FAM171A1: variants seen among roughly 807,000 people sequenced by gnomAD.
The protein encoded by FAM171A1 is family with sequence similarity 171 member A1.
A neutral mutation model predicts 74.9 loss-of-function variants in FAM171A1; 23 were observed. The ratio of observed to expected loss-of-function variants is 0.31; its 90% CI spans 0.22 to 0.44. The LOEUF is 0.44. Ranked by LOEUF, FAM171A1 falls within the 20% of genes least tolerant of loss-of-function variation. FAM171A1 has a pLI of 1.00. For missense variants in FAM171A1, 1,162 were observed against 1,159.2 expected (o/e 1.00, Z -0.03); for synonymous variants, 527 against 505.7 (o/e 1.04, Z -0.57).
intron 6 of FAM171A1, among the ~76,000 whole-genome samples, 196 bp downstream of exon 6, chr10:15,220,748 G>C (rs979324283): frequency 6.6e-6 from 1 of 152,182 alleles, no homozygotes; most frequent in African/African-American, 2.4e-5. Flanking sequence ...TCTTACCCTA[G>C]ATGGAAGATT....
intron 1 of FAM171A1, among the ~76,000 whole-genome samples, chr10:15,296,680 C>T (rs944760364): frequency 1.3e-5 from 2 of 151,926 alleles, no homozygotes; most frequent in African/African-American, 2.4e-5. Context: ...CCAAGAGGTG[C>T]CCTGAACCTC....
At chr10:15,229,528 T>G (rs116995904) in intron 5 of FAM171A1, among the ~76,000 whole-genome samples, 1 of 47,696 alleles carries the variant, frequency 2.1e-5, no homozygotes, top group Admixed American at 1.9e-4. Context: ...GTCACCCCCC[T>G]CACCATCATC....
chr10:15,213,474 G>A lies in FAM171A1; in HGVS notation c.2114C>T (p.Pro705Leu). ...ELGGGKPLPH[P>L]RAWFVSLDGR... ...ATCCAAGGAGACGAACCACGCCCGG[G>A]GGTGCGGAAGCGGCTTCCCACCCCC... Residue 705 changes from proline to leucine, a missense_variant, in exon 8 of 8, where the codon CCC becomes CTC. Transcript: ENST00000378116. The surrounding 1 kb of genome is among the most constrained non-coding windows in gnomAD (Gnocchi z 6.8). 6.2e-7 allele frequency: 1 copy of A among 1,614,182 alleles called. No individual in the cohort carries two copies. The highest frequency in any genetic ancestry group is 2.2e-5 in the East Asian group (1 of 44,866).
intron 1 of FAM171A1, among the ~76,000 whole-genome samples, chr10:15,342,917 G>A (rs1242848839): frequency 2.0e-5 from 3 of 152,204 alleles, no homozygotes; most frequent in Non-Finnish European, 2.9e-5. Context: ...CATGGCCCAG[G>A]GTGAAACCTG....
At chr10:15,287,480 C>T (rs1407673177) in intron 1 of FAM171A1, among the ~76,000 whole-genome samples, 1 of 151,684 alleles carries the variant, frequency 6.6e-6, no homozygotes, top group South Asian at 2.1e-4. Flanking sequence ...CTTTGCCTCC[C>T]AGGTTCAAGC....
intron 5 of FAM171A1, among the ~76,000 whole-genome samples, chr10:15,235,301 CAAAAAAAAAAAAAAA>C (rs1193195866): frequency 4.5e-5 from 2 of 44,550 alleles, no homozygotes; most frequent in African/African-American, 1.5e-4. Flanking sequence ...GACTCTGTCT[CAAAAAAAAAAAAAAA>C]AAAAAAAAAA....
intron 1 of FAM171A1, among the ~76,000 whole-genome samples, chr10:15,370,241 T>TTC (rs1836120916): frequency 3.1e-5 from 1 of 32,100 alleles, no homozygotes; most frequent in African/African-American, 7.2e-5. Flanking sequence ...AGGATTTTTC[T>TTC]TTTTTTTTTT....
intron 1 of FAM171A1, among the ~76,000 whole-genome samples, chr10:15,352,680 A>T (rs115452753): frequency 1.3e-5 from 2 of 152,236 alleles, no homozygotes; most frequent in African/African-American, 4.8e-5. Flanking sequence ...GTACACAACG[A>T]AAGTCTTTTG....
chr10:15,248,056 C>T (rs1371347971), intron 5 of FAM171A1, among the ~76,000 whole-genome samples: 1 of 152,172 alleles, frequency 6.6e-6, no homozygotes, highest in Non-Finnish European at 1.5e-5. Flanking sequence ...TCCTGACCCC[C>T]AGAAACTCTG....
chr10:15,240,046 G>A (rs996953541), intron 5 of FAM171A1, among the ~76,000 whole-genome samples: 1 of 152,196 alleles, frequency 6.6e-6, no homozygotes, highest in African/African-American at 2.4e-5. Flanking sequence ...ACTTATATAT[G>A]CAAGTCGTGC....
At chr10:15,281,085 C>T (rs367737523) in intron 2 of FAM171A1, among the ~76,000 whole-genome samples, 111 of 152,272 alleles carry the variant, frequency 7.3e-4, no homozygotes, top group African/African-American at 2.2e-3. Context: ...TGAGTTCTCA[C>T]GAGACCTGGT....
In FAM171A1 at chr10:15,325,171, T is replaced by C. The variant is rs887165088; in HGVS notation, c.98-41066A>G. 3.9e-5 allele frequency among the ~76,000 whole-genome samples: 6 copies of C among 152,320 alleles called. 1 individual carries two copies. The highest frequency in any genetic ancestry group is 3.4e-3 in the Middle Eastern group (1 of 294). On this transcript the variant is annotated intron_variant, in intron 1 of 7. Coordinates refer to ENST00000378116, the MANE Select transcript of FAM171A1 (RefSeq NM_001010924.2). ...AAAACACTCTACAATTTCCAGCTGT[T>C]CCAGCTGTTCTTTCTGAAGCAGACA...
chr10:15,231,873 C>T (rs750835570), intron 5 of FAM171A1, among the ~76,000 whole-genome samples: 2 of 152,022 alleles, frequency 1.3e-5, no homozygotes, highest in Admixed American at 1.3e-4. Context: ...TCTCCTGTGC[C>T]TAGGAGTTTA....
intron 2 of FAM171A1, among the ~76,000 whole-genome samples, chr10:15,277,037 T>A (rs1834903736): frequency 6.6e-6 from 1 of 152,154 alleles, no homozygotes; most frequent in African/African-American, 2.4e-5. Flanking sequence ...TTCTAAAAAA[T>A]TTTAGAAACC....
chr10:15,359,923 C>T (rs924064847), intron 1 of FAM171A1, among the ~76,000 whole-genome samples: 2 of 151,916 alleles, frequency 1.3e-5, no homozygotes, highest in Admixed American at 1.3e-4. Context: ...GAACATGGCC[C>T]AGCTGTTTGT....
chr10:15,299,259 T>A (rs2131825436), intron 1 of FAM171A1, among the ~76,000 whole-genome samples: 1 of 152,228 alleles, frequency 6.6e-6, no homozygotes, highest in South Asian at 2.1e-4. Context: ...AGGCACAAAG[T>A]CCCCTTATGA....
In FAM171A1 at chr10:15,302,232, C is replaced by T. The variant is rs576392956; in HGVS notation, c.98-18127G>A. Among the ~76,000 whole-genome samples the T allele has an allele frequency of 3.9e-5, 6 of 151,984 alleles. No individual in the cohort carries two copies. The East Asian group carries it at 5.8e-4, about 15-fold the overall frequency. On this transcript the variant is annotated intron_variant, in intron 1 of 7. Coordinates refer to ENST00000378116, the MANE Select transcript of FAM171A1 (RefSeq NM_001010924.2). ...TAATCCCTGCACTTTGGGAGGCCAA[C>T]GTGGGTGGATCACCTGAGGTCAGGG...
In FAM171A1 at chr10:15,229,580, C is replaced by T. The variant is rs968426716; in HGVS notation, c.755-8520G>A. On this transcript the variant is annotated intron_variant, in intron 5 of 7. Transcript: ENST00000378116. Reference sequence around the variant, plus strand: ...TCACCCCCATCACCATCACCAACGTCATCATCATCACCATCATCACCATCA... The same window carrying T: ...TCACCCCCATCACCATCACCAACGTTATCATCATCACCATCATCACCATCA... Among the ~76,000 whole-genome samples the T allele has an allele frequency of 2.2e-3, 255 of 114,628 alleles. 5 individuals carry two copies. The highest frequency in any genetic ancestry group is 5.2e-3 in the Middle Eastern group (1 of 194). The allele number at this position is 114,628 out of a possible 152,430, so 75.2% of individuals were successfully genotyped here. A position where few individuals can be genotyped will look rare whatever the true frequency, so the allele number is the denominator to read the frequency against.
At chr10:15,232,157 G>T (rs1026539447) in intron 5 of FAM171A1, among the ~76,000 whole-genome samples, 3 of 152,168 alleles carry the variant, frequency 2.0e-5, no homozygotes, top group African/African-American at 7.2e-5. Flanking sequence ...CTAGAGGGAT[G>T]TGTTGCTTAG....
Sources: gnomAD v4.1 joint callset for allele counts (sites outside exome capture counted in the v4.1 genomes callset) on GRCh38, gnomAD v4.1.1 for gene constraint, Gnocchi (gnomAD v3.1) non-coding constraint, MANE v1.5 for transcripts, NCBI Gene and HGNC (gene_info 2026-07-23, HGNC 2026-07-21) for gene names.